The following TBCK variants were observed in gnomAD, a reference collection of about 807,000 sequenced individuals.
TBCK encodes TBC domain-containing protein kinase-like protein.
Under a neutral mutation model 113.4 loss-of-function variants are expected in TBCK, and 99 were observed. The ratio of observed to expected loss-of-function variants is 0.87; its 90% CI spans 0.74 to 1.03. The LOEUF is 1.03. Among genes scored for constraint, TBCK ranks in the 50% least tolerant of loss-of-function variants. The pLI is 0.00. For missense variants in TBCK, 1,045 were observed against 1,061.3 expected (o/e 0.98, Z 0.21); for synonymous variants, 369 against 370.8 (o/e 1.00, Z 0.05).
In TBCK at chr4:106,042,801, T is replaced by C. The variant is rs1368052189; in HGVS notation, c.*3769A>G. The C allele has an allele frequency of 2.0e-5, 3 of 152,152 alleles. No homozygotes were observed. The highest frequency in any genetic ancestry group is 7.2e-5 in the African/African-American group (3 of 41,450). 9.4% of individuals were successfully genotyped at this position (152,152 alleles called of 1,614,324 possible). On this transcript the variant is annotated 3_prime_UTR_variant, in exon 26 of 26. Coordinates refer to ENST00000394708, the MANE Select transcript of TBCK (RefSeq NM_001163435.3). ...TCCTTTTAAAGTGCACTAAAGCCTGTTCTAAATCAGGAACTTACCCCAGAC... is the reference window on the plus strand; with the variant it reads ...TCCTTTTAAAGTGCACTAAAGCCTGCTCTAAATCAGGAACTTACCCCAGAC...
intron 20 of TBCK, among the ~76,000 whole-genome samples, chr4:106,197,432 T>TATATATATATAA (rs753980118): frequency 2.7e-5 from 4 of 146,400 alleles, no homozygotes; most frequent in South Asian, 4.3e-4. Flanking sequence ...TATATATATA[T>TATATATATATAA]AATACAAAGT....
At chr4:106,210,492 C>G (rs1191294704) in intron 20 of TBCK, among the ~76,000 whole-genome samples, 1 of 152,118 alleles carries the variant, frequency 6.6e-6, no homozygotes, top group African/African-American at 2.4e-5. Context: ...AAGGAGGGTA[C>G]AATCAAATCT....
upstream of TBCK, chr4:106,316,476 A>C: frequency 6.9e-7 from 1 of 1,444,872 alleles, no homozygotes; most frequent in Non-Finnish European, 9.5e-7. Flanking sequence ...TCTGTAGAAC[A>C]CTCAGGCTTT....
chr4:106,187,454 TTG>T (rs1482989279), intron 22 of TBCK, among the ~76,000 whole-genome samples: 1 of 152,080 alleles, frequency 6.6e-6, no homozygotes, highest in African/African-American at 2.4e-5. Flanking sequence ...TCTTGCTCTG[TTG>T]CCCAGGCTGG....
At chr4:106,271,123 A>G (rs1033410584) in intron 3 of TBCK, among the ~76,000 whole-genome samples, 2 of 152,126 alleles carry the variant, frequency 1.3e-5, no homozygotes, top group Middle Eastern at 3.2e-3. Flanking sequence ...CCTAAACCAG[A>G]TCACCTTGAA....
At position 106,073,902 on chromosome 4, in the gene TBCK, G is replaced by A. The variant is rs1391685196; in HGVS notation, c.2571+21580C>T. The stretch of plus-strand genomic sequence containing the variant: ...TGCCAGCAGTGAGCAAGGTTCCATG[G>A]GCATGGGACCCACTGAGCCAGGCAC... On this transcript the variant is annotated intron_variant, in intron 25 of 25. Transcript: ENST00000394708. 2.6e-5 allele frequency among the ~76,000 whole-genome samples: 4 copies of A among 152,192 alleles called. No individual in the cohort carries two copies. The East Asian group carries it at 7.7e-4, about 29-fold the overall frequency.
chr4:106,240,392 A>G (rs918552700), intron 12 of TBCK, among the ~76,000 whole-genome samples: 3 of 151,948 alleles, frequency 2.0e-5, no homozygotes, highest in Non-Finnish European at 4.4e-5. Context: ...TTTGGAAATG[A>G]AGGAAAAAAC....
At chr4:106,307,421 AATT>A (rs1179055417) in intron 2 of TBCK, among the ~76,000 whole-genome samples, 1 of 152,156 alleles carries the variant, frequency 6.6e-6, no homozygotes, top group Non-Finnish European at 1.5e-5. Context: ...AACGATTAAT[AATT>A]ATCATTACAA....
intron 20 of TBCK, among the ~76,000 whole-genome samples, chr4:106,200,696 ATATTT>A (rs1425331910): frequency 6.6e-6 from 1 of 152,118 alleles, no homozygotes; most frequent in Non-Finnish European, 1.5e-5. Context: ...ATGAGGTCAG[ATATTT>A]TTGTCTATCT....
intron 1 of TBCK, among the ~76,000 whole-genome samples, chr4:106,315,204 T>G (rs1209293798): frequency 6.6e-6 from 1 of 152,088 alleles, no homozygotes; most frequent in African/African-American, 2.4e-5. Flanking sequence ...GGCTTGAAAA[T>G]TCATTCATTC....
chr4:106,170,255 A>C (rs1750835511), intron 23 of TBCK, among the ~76,000 whole-genome samples: 1 of 152,090 alleles, frequency 6.6e-6, no homozygotes, highest in South Asian at 2.1e-4. Context: ...CTATAATGCA[A>C]ATATTTATTT....
chr4:106,254,630 A>G (rs979297576), intron 5 of TBCK, among the ~76,000 whole-genome samples: 1 of 152,044 alleles, frequency 6.6e-6, no homozygotes, highest in Non-Finnish European at 1.5e-5. Context: ...TTAGCCTTTT[A>G]TATTTAAGTT....
At chr4:106,120,808 C>T (rs1156864921) in intron 23 of TBCK, among the ~76,000 whole-genome samples, 1 of 152,118 alleles carries the variant, frequency 6.6e-6, no homozygotes, top group East Asian at 1.9e-4. Flanking sequence ...CACCAAAAAC[C>T]CATCTGTACA....
chr4:106,206,805 AAGT>A (rs1755554300), intron 20 of TBCK, among the ~76,000 whole-genome samples: 2 of 152,318 alleles, frequency 1.3e-5, no homozygotes, highest in African/African-American at 4.8e-5. Flanking sequence ...ATAAGCTTTT[AAGT>A]AGTATAAGCA....
intron 22 of TBCK, among the ~76,000 whole-genome samples, chr4:106,177,819 T>C (rs143496470): frequency 6.6e-6 from 1 of 152,082 alleles, no homozygotes; most frequent in African/African-American, 2.4e-5. Context: ...GGGTCTTCTG[T>C]GGTTCCATAA....
chr4:106,200,480 C>T (rs933008634), intron 20 of TBCK, among the ~76,000 whole-genome samples: 3 of 152,126 alleles, frequency 2.0e-5, no homozygotes, highest in Non-Finnish European at 4.4e-5. Flanking sequence ...GTTGAGACTG[C>T]AATGAGCCAT....
At chr4:106,061,296 C>T (rs1560591704) in intron 25 of TBCK, among the ~76,000 whole-genome samples, 1 of 151,654 alleles carries the variant, frequency 6.6e-6, no homozygotes, top group Non-Finnish European at 1.5e-5. Context: ...TAAGAAATTG[C>T]CACAGCCACT....
chr4:106,185,497 T>G (rs1752912884), intron 22 of TBCK, among the ~76,000 whole-genome samples: 1 of 152,110 alleles, frequency 6.6e-6, no homozygotes, highest in Non-Finnish European at 1.5e-5. Flanking sequence ...TACCCATGTT[T>G]AATCATTCTA....
At chr4:106,167,262 G>C (rs1376209988) in intron 23 of TBCK, among the ~76,000 whole-genome samples, 1 of 149,082 alleles carries the variant, frequency 6.7e-6, no homozygotes, top group African/African-American at 2.4e-5. Context: ...ATTAGTCTTA[G>C]AGAATCAATA....
Sources: allele counts gnomAD v4.1 joint callset (sites outside exome capture counted in the v4.1 genomes callset), GRCh38; gene constraint gnomAD v4.1.1; transcripts MANE v1.5; gene names NCBI Gene and HGNC (gene_info 2026-07-23, HGNC 2026-07-21).